BNC2: variants seen among roughly 807,000 people sequenced by gnomAD.
The protein encoded by BNC2 is zinc finger protein basonuclin-2.
BNC2 carries 20 observed loss-of-function variants against 76.3 expected under a neutral mutation model. That is an observed-to-expected ratio of 0.26 (90% confidence interval 0.18 to 0.38). BNC2 has a LOEUF of 0.38. Among genes scored for constraint, BNC2 ranks in the 10% least tolerant of loss-of-function variants. The pLI, the probability that BNC2 is intolerant of heterozygous loss-of-function variation, is 1.00. For missense variants in BNC2, 1,382 were observed against 1,399.8 expected, an observed-to-expected ratio of 0.99 and a Z score of 0.20; for synonymous variants, 582 against 514.8, an observed-to-expected ratio of 1.13 and a Z score of -1.77.
At chr9:16,600,464 G>A (rs1472830570) in intron 3 of BNC2, among the ~76,000 whole-genome samples, 4 of 152,048 alleles carry the variant, frequency 2.6e-5, no homozygotes, top group Non-Finnish European at 5.9e-5. Context: ...ATTTTAAGTG[G>A]GTGTGTATTT....
At chr9:16,707,201 C>G (rs531159922) in intron 3 of BNC2, among the ~76,000 whole-genome samples, 1 of 151,254 alleles carries the variant, frequency 6.6e-6, no homozygotes, top group Admixed American at 6.6e-5. Flanking sequence ...GACTCCGCCC[C>G]CCCGCCAAAA....
intron 3 of BNC2, among the ~76,000 whole-genome samples, chr9:16,672,312 A>G (rs2134191082): frequency 6.6e-6 from 1 of 152,278 alleles, no homozygotes; most frequent in Middle Eastern, 3.4e-3. Context: ...CCTGGCTAAC[A>G]CGGTGAAACC....
chr9:16,633,559 T>C (rs1265244684), intron 3 of BNC2, among the ~76,000 whole-genome samples: 1 of 152,246 alleles, frequency 6.6e-6, no homozygotes, highest in Non-Finnish European at 1.5e-5. Flanking sequence ...TTTGCAATTA[T>C]GTCTATACCA....
chr9:16,469,450 CA>C (rs1563798286), intron 5 of BNC2, among the ~76,000 whole-genome samples: 1 of 152,322 alleles, frequency 6.6e-6, no homozygotes, highest in East Asian at 1.9e-4. Context: ...ACTATGTAAG[CA>C]GTGGCTTTCG....
intron 5 of BNC2, among the ~76,000 whole-genome samples, chr9:16,438,311 A>C (rs1821061051): frequency 3.3e-5 from 5 of 152,216 alleles, no homozygotes; most frequent in African/African-American, 1.2e-4. Context: ...GATATTTAAA[A>C]AGTAAACATG....
rs1488180492 is a variant in BNC2, at chr9:16,434,507, G to A, written c.2639+1048C>T. Reference sequence around the variant, plus strand: ...AGAAGACAATGTAGAACCAAAAACCGCATCTGATATAATGGGAATAACTAA... The same window carrying A: ...AGAAGACAATGTAGAACCAAAAACCACATCTGATATAATGGGAATAACTAA... On this transcript the variant is annotated intron_variant, in intron 6 of 6. Transcript: ENST00000380672. Among the ~76,000 whole-genome samples, 6 of 152,042 alleles carry A rather than the reference G, an allele frequency of 3.9e-5. No homozygotes were observed. The South Asian group carries it at 8.3e-4, about 21-fold the overall frequency.
At chr9:16,863,915 T>C (rs1819473710) in intron 1 of BNC2, among the ~76,000 whole-genome samples, 1 of 152,174 alleles carries the variant, frequency 6.6e-6, no homozygotes. Context: ...ACGGTTCTCC[T>C]AGTTTAAAAA....
At chr9:16,481,403 G>C (rs1431367637) in intron 5 of BNC2, among the ~76,000 whole-genome samples, 2 of 152,082 alleles carry the variant, frequency 1.3e-5, no homozygotes, top group African/African-American at 2.4e-5. Flanking sequence ...GGTCCACACT[G>C]CTTTTATGAG....
At chr9:16,864,253 A>G (rs144414736) in intron 1 of BNC2, among the ~76,000 whole-genome samples, 12 of 152,336 alleles carry the variant, frequency 7.9e-5, no homozygotes, top group African/African-American at 2.6e-4. Flanking sequence ...TAAAACATAT[A>G]TATGACATCT....
chr9:16,482,934 C>T (rs879760749), intron 5 of BNC2, among the ~76,000 whole-genome samples: 3 of 152,218 alleles, frequency 2.0e-5, no homozygotes, highest in Non-Finnish European at 4.4e-5. Flanking sequence ...AACACCCCAA[C>T]TATCCATCTT....
At chr9:16,703,362 G>A (rs539019093) in intron 3 of BNC2, among the ~76,000 whole-genome samples, 3 of 151,896 alleles carry the variant, frequency 2.0e-5, no homozygotes, top group African/African-American at 7.3e-5. Flanking sequence ...CCAGCACAGA[G>A]CAATATTCTC....
At chr9:16,869,553 C>T (rs1251811084) in intron 1 of BNC2, among the ~76,000 whole-genome samples, 1 of 152,164 alleles carries the variant, frequency 6.6e-6, no homozygotes, top group Non-Finnish European at 1.5e-5. Context: ...GCTATCTCAC[C>T]TGTATTCTCA....
intron 3 of BNC2, among the ~76,000 whole-genome samples, chr9:16,655,375 C>A (rs1486709162): frequency 6.6e-6 from 1 of 152,076 alleles, no homozygotes; most frequent in Non-Finnish European, 1.5e-5. Context: ...TTGGAATTTG[C>A]CCCTATACAC....
chr9:16,720,202 T>C (rs991492705), intron 3 of BNC2, among the ~76,000 whole-genome samples: 1 of 152,218 alleles, frequency 6.6e-6, no homozygotes, highest in African/African-American at 2.4e-5. Flanking sequence ...CTCTCTCTCA[T>C]GCCTCTGCCA....
intron 4 of BNC2, among the ~76,000 whole-genome samples, chr9:16,576,836 T>G (rs181757894): frequency 5.9e-4 from 90 of 152,266 alleles, no homozygotes; most frequent in African/African-American, 2.0e-3. Flanking sequence ...CTCCTGGGTT[T>G]AAGCGATTCT....
chr9:16,841,695 A>C (rs984824016), intron 1 of BNC2, among the ~76,000 whole-genome samples: 1 of 152,262 alleles, frequency 6.6e-6, no homozygotes, highest in Non-Finnish European at 1.5e-5. Context: ...CGTGAAAAAA[A>C]AGATAAAATA....
rs186683139 is a variant in BNC2 at position 16,750,434 on chromosome 9, T to A, written c.4-11949A>T. ...ACCACTCATCTCTAAACTAATGTCA[T>A]ATCATTCCCCTTACAGAACCTACTT... On this transcript the variant is annotated intron_variant, in intron 1 of 6. Transcript: ENST00000380672. Among the ~76,000 whole-genome samples the A allele has an allele frequency of 4.2e-3, 634 of 152,320 alleles. 4 individuals carry two copies. The highest frequency in any genetic ancestry group is 0.013 in the African/African-American group (556 of 41,574).
At chr9:16,673,435 A>ACACACACACACACAC (rs1563892010) in intron 3 of BNC2, among the ~76,000 whole-genome samples, 1 of 93,378 alleles carries the variant, frequency 1.1e-5, no homozygotes, top group African/African-American at 5.1e-5. Context: ...AGATTTAAAA[A>ACACACACACACACAC]AAAAAAAAAC....
At chr9:16,746,031 T>C (rs1316078222) in intron 1 of BNC2, among the ~76,000 whole-genome samples, 3 of 152,196 alleles carry the variant, frequency 2.0e-5, no homozygotes, top group African/African-American at 7.2e-5. Context: ...TACCAAAAAA[T>C]CTTAGGAAAC....
Sources: gnomAD v4.1 joint callset for allele counts (sites outside exome capture counted in the v4.1 genomes callset) on GRCh38, gnomAD v4.1.1 for gene constraint, MANE v1.5 for transcripts, NCBI Gene and HGNC (gene_info 2026-07-23, HGNC 2026-07-21) for gene names.